MMP16: variants seen among roughly 807,000 people sequenced by gnomAD.
MMP16 encodes the protein matrix metalloproteinase-16.
Under a neutral mutation model 67.8 loss-of-function variants are expected in MMP16, and 12 were observed. The observed-to-expected ratio is 0.18, with a 90% CI of 0.11 to 0.29. The LOEUF is 0.29. Among genes scored for constraint, MMP16 ranks in the 10% least tolerant of loss-of-function variants. MMP16 has a pLI of 1.00. For synonymous variants in MMP16, 249 were observed against 255.9 expected, an observed-to-expected ratio of 0.97 and a Z score of 0.26; for missense variants, 475 against 765.7, an observed-to-expected ratio of 0.62 and a Z score of 4.48.
chr8:88,148,198 T>A (rs1157067647), intron 4 of MMP16, among the ~76,000 whole-genome samples: 1 of 152,172 alleles, frequency 6.6e-6, no homozygotes, highest in South Asian at 2.1e-4. Flanking sequence ...AGTCACTTGA[T>A]GTCTGCTCAA....
chr8:88,225,224 G>T (rs1809750973), intron 1 of MMP16, among the ~76,000 whole-genome samples: 1 of 152,054 alleles, frequency 6.6e-6, no homozygotes, highest in East Asian at 1.9e-4. Context: ...TGCACTAAGA[G>T]AAAACAGAAT....
intron 1 of MMP16, among the ~76,000 whole-genome samples, chr8:88,276,746 T>G (rs961955614): frequency 1.3e-5 from 2 of 152,064 alleles, no homozygotes. Context: ...GAAGAGAAGT[T>G]AACTCTCTCA....
chr8:88,296,193 G>A (rs1464305974), intron 1 of MMP16, among the ~76,000 whole-genome samples: 3 of 151,866 alleles, frequency 2.0e-5, no homozygotes, highest in Non-Finnish European at 4.4e-5. Flanking sequence ...CACTATGCTG[G>A]GATGTAAAGA....
chr8:88,168,388 T>C (rs1241071028), intron 3 of MMP16, among the ~76,000 whole-genome samples: 1 of 152,184 alleles, frequency 6.6e-6, no homozygotes, highest in Non-Finnish European at 1.5e-5. Flanking sequence ...TTTCAAACAA[T>C]GTCTTTATGC....
chr8:88,054,934 G>T (rs1164989338), intron 8 of MMP16, among the ~76,000 whole-genome samples: 1 of 152,058 alleles, frequency 6.6e-6, no homozygotes, highest in African/African-American at 2.4e-5. Flanking sequence ...CCTGTATTTT[G>T]TATGTGTGTA....
At chr8:88,181,210 A>G (rs1808974914) in intron 3 of MMP16, among the ~76,000 whole-genome samples, 1 of 152,110 alleles carries the variant, frequency 6.6e-6, no homozygotes, top group African/African-American at 2.4e-5. Flanking sequence ...AAAAGAAAAG[A>G]AAAGAGACAG....
intron 1 of MMP16, among the ~76,000 whole-genome samples, chr8:88,256,190 ATACT>A (rs1810298017): frequency 6.6e-6 from 1 of 152,120 alleles, no homozygotes; most frequent in Admixed American, 6.6e-5. Context: ...AATGTTCTAA[ATACT>A]TATTTTTTTT....
In MMP16 at chr8:88,058,983, A is replaced by C. The variant is rs1186443207; in HGVS notation, c.1223-2705T>G. 6.6e-6 allele frequency among the ~76,000 whole-genome samples: 1 copy of C among 152,118 alleles called. No individual in the cohort carries two copies. Among genetic ancestry groups the C allele is most frequent in the East Asian group, 1.9e-4 (1 of 5,180 alleles). ...AAAGATAATATTAAGAATGATCTTC[A>C]AGTTCTGGCTTGTGTAGATAAGTGA... On this transcript the variant is annotated intron_variant, in intron 7 of 9. Transcript: ENST00000286614. The surrounding 1 kb of genome is among the most constrained non-coding windows in gnomAD (Gnocchi z 4.2).
At chr8:88,266,520 CAG>C (rs1017694548) in intron 1 of MMP16, among the ~76,000 whole-genome samples, 3 of 152,078 alleles carry the variant, frequency 2.0e-5, no homozygotes, top group African/African-American at 7.2e-5. Context: ...AATTAAGAGC[CAG>C]GTCTCTGGCA....
At chr8:88,272,647 T>C (rs1810581999) in intron 1 of MMP16, among the ~76,000 whole-genome samples, 1 of 152,234 alleles carries the variant, frequency 6.6e-6, no homozygotes, top group African/African-American at 2.4e-5. Context: ...ATAATATTTG[T>C]GTTGTCACAA....
intron 1 of MMP16, among the ~76,000 whole-genome samples, chr8:88,227,455 G>C (rs1298685080): frequency 1.3e-5 from 2 of 151,982 alleles, no homozygotes; most frequent in Non-Finnish European, 2.9e-5. Flanking sequence ...ACAAATATAA[G>C]AAATTTCAGG....
intron 7 of MMP16, among the ~76,000 whole-genome samples, chr8:88,073,113 C>T (rs560259812): frequency 2.0e-5 from 3 of 152,096 alleles, no homozygotes; most frequent in Non-Finnish European, 4.4e-5. Flanking sequence ...GAAGGCTAGT[C>T]GGAACTTAAC....
intron 8 of MMP16, among the ~76,000 whole-genome samples, chr8:88,053,804 A>G (rs968155567): frequency 6.6e-6 from 1 of 152,174 alleles, no homozygotes; most frequent in African/African-American, 2.4e-5. Flanking sequence ...GACATCTTAC[A>G]TAAGATCACA....
At chr8:88,139,244 C>T (rs1159677833) in intron 4 of MMP16, among the ~76,000 whole-genome samples, 1 of 152,056 alleles carries the variant, frequency 6.6e-6, no homozygotes, top group Admixed American at 6.6e-5. Context: ...AAATTTACCT[C>T]AGCATTTTTC....
chr8:88,222,682 AC>A (rs1476921362), intron 1 of MMP16, among the ~76,000 whole-genome samples: 3 of 152,210 alleles, frequency 2.0e-5, no homozygotes, highest in Admixed American at 6.5e-5. Flanking sequence ...TACACCTTAT[AC>A]AAAAATTAAT....
At chr8:88,099,196 A>G (rs1809088293) in intron 6 of MMP16, among the ~76,000 whole-genome samples, 2 of 151,778 alleles carry the variant, frequency 1.3e-5, no homozygotes, top group African/African-American at 4.8e-5. Flanking sequence ...TTATTTAAAT[A>G]AAAGCCAAAG....
chr8:88,157,531 A>T (rs1808531074), intron 4 of MMP16, among the ~76,000 whole-genome samples: 1 of 151,952 alleles, frequency 6.6e-6, no homozygotes, highest in Non-Finnish European at 1.5e-5. Context: ...TTCCGAAGTC[A>T]TGTGTTGATG....
chr8:88,322,177 C>T (rs1399149291), intron 1 of MMP16, among the ~76,000 whole-genome samples: 3 of 152,010 alleles, frequency 2.0e-5, no homozygotes, highest in Non-Finnish European at 2.9e-5. Flanking sequence ...AAAAGGCCTA[C>T]TGAATTATAA....
At chr8:88,182,891 C>G (rs1809004496) in intron 3 of MMP16, among the ~76,000 whole-genome samples, 1 of 151,810 alleles carries the variant, frequency 6.6e-6, no homozygotes, top group East Asian at 1.9e-4. Context: ...AATGAGCTAT[C>G]AAGTTATGAA....
Sources: allele counts gnomAD v4.1 joint callset (sites outside exome capture counted in the v4.1 genomes callset), GRCh38; gene constraint gnomAD v4.1.1; non-coding constraint Gnocchi (gnomAD v3.1); transcripts MANE v1.5; gene names NCBI Gene and HGNC (gene_info 2026-07-23, HGNC 2026-07-21).